The following BCL2L13 variants were observed in gnomAD, a reference collection of about 807,000 sequenced individuals.
The protein encoded by BCL2L13 is bcl-2-like protein 13.
BCL2L13 carries 13 observed loss-of-function variants against 25.8 expected under a neutral mutation model. That is an observed-to-expected ratio of 0.50 (90% CI 0.33 to 0.80). The LOEUF is 0.80. Among genes scored for constraint, BCL2L13 ranks in the 30% least tolerant of loss-of-function variants. The pLI, the probability that BCL2L13 is intolerant of heterozygous loss-of-function variation, is 0.02. For missense variants in BCL2L13, 504 were observed against 574.9 expected (o/e 0.88, Z 1.26); for synonymous variants, 244 against 230.3 (o/e 1.06, Z -0.54).
chr22:17,727,292 G>A lies in BCL2L13; in HGVS notation c.1216G>A (p.Glu406Lys), dbSNP rs1240706405. Reference protein sequence around the residue: ...EEVVPALEPTETLLSEKEINA... With the variant: ...EEVVPALEPTKTLLSEKEINA... ...GGTGGTCCCCGCACTGGAACCCACA[G>A]AAACGCTGCTGAGTGAGAAGGAGAT... Residue 406 changes from glutamate (E) to lysine (K), a missense_variant, in exon 7 of 7, where the codon GAA (glutamate) becomes AAA (lysine). Coordinates refer to ENST00000317582, the MANE Select transcript of BCL2L13 (RefSeq NM_015367.4). 1 of 1,614,258 alleles carries A rather than the reference G, an allele frequency of 6.2e-7. No individual in the cohort carries two copies. The highest frequency in any genetic ancestry group is 8.5e-7 in the Non-Finnish European group (1 of 1,180,046).
chr22:17,715,922 C>G (rs2060934112), intron 6 of BCL2L13, among the ~76,000 whole-genome samples: 1 of 152,138 alleles, frequency 6.6e-6, no homozygotes, highest in Admixed American at 6.6e-5. Context: ...ATGTTTAGAG[C>G]TTTTATATCA....
intron 1 of BCL2L13, among the ~76,000 whole-genome samples, chr22:17,652,917 T>C (rs376114032): frequency 6.6e-6 from 1 of 151,844 alleles, no homozygotes; most frequent in Non-Finnish European, 1.5e-5. Context: ...TACAAAAAAT[T>C]AGCCGGGCGT....
intron 6 of BCL2L13, among the ~76,000 whole-genome samples, chr22:17,713,643 G>A (rs573973796): frequency 4.3e-4 from 65 of 151,660 alleles, no homozygotes; most frequent in African/African-American, 1.5e-3. Context: ...TGTATTTTTA[G>A]TAGAGATGGG....
intron 2 of BCL2L13, among the ~76,000 whole-genome samples, chr22:17,673,711 T>C (rs2059490358): frequency 6.6e-6 from 1 of 152,138 alleles, no homozygotes; most frequent in South Asian, 2.1e-4. Context: ...TGAGCTGTCC[T>C]CAAAATATAC....
Position 17,727,219 on chromosome 22 carries a change from T to A in BCL2L13, c.1143T>A (p.Asp381Glu). Residue 381 changes from aspartate (D) to glutamate (E), a missense_variant, in exon 7 of 7, where the codon GAT (aspartate) becomes GAA (glutamate). Transcript: ENST00000317582. Reference protein sequence around the residue: ...SPATSLFVELDEEEVKAATTE... With the variant: ...SPATSLFVELEEEEVKAATTE... ...CTACATCTCTGTTTGTAGAACTTGATGAAGAAGAGGTGAAAGCAGCAACAA... is the reference window on the plus strand; with the variant it reads ...CTACATCTCTGTTTGTAGAACTTGAAGAAGAAGAGGTGAAAGCAGCAACAA... The A allele has an allele frequency of 1.9e-6, 3 of 1,614,218 alleles. No individual in the cohort carries two copies. The highest frequency in any genetic ancestry group is 2.5e-6 in the Non-Finnish European group (3 of 1,180,036).
intron 6 of BCL2L13, among the ~76,000 whole-genome samples, chr22:17,722,172 CAT>C (rs2061156826): frequency 6.6e-6 from 1 of 152,106 alleles, no homozygotes; most frequent in African/African-American, 2.4e-5. Context: ...TGCCACAAAT[CAT>C]GTGACCTTAT....
intron 6 of BCL2L13, among the ~76,000 whole-genome samples, chr22:17,718,338 A>G (rs1443407315): frequency 1.3e-5 from 2 of 152,220 alleles, no homozygotes; most frequent in African/African-American, 2.4e-5. Context: ...GATGCTAGCC[A>G]AAATATTAGG....
At chr22:17,693,999 C>A (rs2060192602) in intron 4 of BCL2L13, among the ~76,000 whole-genome samples, 1 of 151,948 alleles carries the variant, frequency 6.6e-6, no homozygotes, top group Non-Finnish European at 1.5e-5. Flanking sequence ...TTCAAGCGAT[C>A]CACCTGCCTT....
intron 6 of BCL2L13, among the ~76,000 whole-genome samples, chr22:17,711,282 C>T (rs2060750571): frequency 6.8e-6 from 1 of 146,704 alleles, no homozygotes; most frequent in Non-Finnish European, 1.5e-5. Flanking sequence ...GTTGACTTTT[C>T]CCTTATTTCT....
chr22:17,654,431 GT>G (rs536430521), intron 1 of BCL2L13, among the ~76,000 whole-genome samples: 3 of 126,726 alleles, frequency 2.4e-5, no homozygotes, highest in Non-Finnish European at 3.4e-5. Context: ...TTTTTCTTCT[GT>G]TTTTTTTTGA....
Position 17,653,604 on chromosome 22 carries a change from T to TG in BCL2L13, c.-50-2057dup, listed in dbSNP as rs564383294. Among the ~76,000 whole-genome samples, 7 of 150,218 alleles carry TG rather than the reference T, an allele frequency of 4.7e-5. No homozygotes were observed. The East Asian group carries it at 1.4e-3, about 30-fold the overall frequency. On this transcript the variant is annotated intron_variant, in intron 1 of 6. Transcript: ENST00000317582. ...GTAACCTCAAGCTCCTGGGCTCAAG[T>TG]GATCCTCCTGCCTTATCAGCCTCCC...
At chr22:17,673,961 G>A (rs969644873) in intron 2 of BCL2L13, among the ~76,000 whole-genome samples, 1 of 152,114 alleles carries the variant, frequency 6.6e-6, no homozygotes, top group African/African-American at 2.4e-5. Flanking sequence ...GATAGTGGTA[G>A]CTGTCAAGTA....
intron 2 of BCL2L13, among the ~76,000 whole-genome samples, chr22:17,681,440 A>G (rs1476491513): frequency 1.3e-5 from 2 of 151,826 alleles, no homozygotes; most frequent in Non-Finnish European, 2.9e-5. Context: ...CGGAGCTTAC[A>G]GTGAGCAGAG....
At position 17,660,493 on chromosome 22, in the gene BCL2L13, C is replaced by T. The variant is rs141426122; in HGVS notation, c.121+4661C>T. 5.0e-4 allele frequency among the ~76,000 whole-genome samples: 73 copies of T among 146,282 alleles called. 2 individuals are homozygous for T. In the East Asian group the frequency reaches 0.014, roughly 27 times the overall value. ...GGAGTGTAGTGATATGATCTTGGCT[C>T]ACTGCAACCTTCACCTTCTGGGCTC... On this transcript the variant is annotated intron_variant, in intron 2 of 6. Transcript: ENST00000317582.
intron 1 of BCL2L13, among the ~76,000 whole-genome samples, chr22:17,632,083 C>T (rs1568904595): frequency 6.6e-6 from 1 of 151,986 alleles, no homozygotes; most frequent in Non-Finnish European, 1.5e-5. Context: ...TACTAGTGTA[C>T]AATGTTCCTT....
intron 6 of BCL2L13, among the ~76,000 whole-genome samples, chr22:17,710,226 G>A (rs1001872700): frequency 6.6e-5 from 10 of 151,976 alleles, no homozygotes; most frequent in African/African-American, 2.2e-4. Context: ...AAAATGTCAC[G>A]TCCTAAATAC....
At position 17,645,045 on chromosome 22, in the gene BCL2L13, G is replaced by A. The variant is rs951969643; in HGVS notation, c.-51+6159G>A. 4.7e-5 allele frequency among the ~76,000 whole-genome samples: 7 copies of A among 149,970 alleles called. No homozygotes were observed. The East Asian group carries it at 8.0e-4, about 17-fold the overall frequency. ...AGGATGGTCTCGATCTCCTAACCTCGTGATCCACCCACCTCGGCTTCCCAA... is the reference window on the plus strand; with the variant it reads ...AGGATGGTCTCGATCTCCTAACCTCATGATCCACCCACCTCGGCTTCCCAA... On this transcript the variant is annotated intron_variant, in intron 1 of 6. Coordinates refer to ENST00000317582, the MANE Select transcript of BCL2L13 (RefSeq NM_015367.4).
chr22:17,630,326 C>T (rs1225636775), intron 1 of BCL2L13, among the ~76,000 whole-genome samples: 1 of 151,392 alleles, frequency 6.6e-6, no homozygotes, highest in Non-Finnish European at 1.5e-5. Context: ...GTCGCCCAGG[C>T]TGCAGTGCAA....
At chr22:17,721,176 A>T (rs145618307) in intron 6 of BCL2L13, among the ~76,000 whole-genome samples, 15,588 of 151,530 alleles carry the variant, frequency 0.1, 961 homozygotes, top group African/African-American at 0.13. Flanking sequence ...TCTCAAAAAA[A>T]AAAAATATAT....
Sources: gnomAD v4.1 joint callset for allele counts (sites outside exome capture counted in the v4.1 genomes callset) on GRCh38, gnomAD v4.1.1 for gene constraint, MANE v1.5 for transcripts, NCBI Gene and HGNC (gene_info 2026-07-23, HGNC 2026-07-21) for gene names.